RRN3: variants seen among roughly 807,000 people sequenced by gnomAD.
RRN3 encodes the protein RNA polymerase I-specific transcription initiation factor RRN3.
A neutral mutation model predicts 82.3 loss-of-function variants in RRN3; 38 were observed. The observed-to-expected ratio is 0.46, with a 90% CI of 0.36 to 0.61. The LOEUF (loss-of-function observed/expected upper bound fraction) is 0.61. Among genes scored for constraint, RRN3 ranks in the 20% least tolerant of loss-of-function variants. The pLI is 0.00. For missense variants in RRN3, 726 were observed against 793.1 expected (o/e 0.92, Z 1.02); for synonymous variants, 284 against 284.3 (o/e 1.00, Z 0.01).
chr16:15,086,585 A>G, intron 3 of RRN3, 131 bp from the exon 4 acceptor site: 1 of 1,351,612 alleles, frequency 7.4e-7, no homozygotes, highest in South Asian at 1.4e-5. Context: ...AAGGAACTCA[A>G]AACTGGGTAT....
At position 15,063,088 on chromosome 16, in the gene RRN3, C is replaced by G. The variant is rs1360293426; in HGVS notation, c.1794+108G>C. On this transcript the variant is annotated intron_variant, in intron 17 of 17. Coordinates refer to ENST00000198767, the MANE Select transcript of RRN3 (RefSeq NM_018427.5). ...CCAGCAATCCTCTGGCCTTGACCCC[C>G]TAAAGTGCGGGGATTACACGCACGA... 13 of 856,024 alleles carry G rather than the reference C, an allele frequency of 1.5e-5. No individual in the cohort carries two copies. In the Admixed American group the frequency reaches 2.3e-4, roughly 15 times the overall value. The allele number at this position is 856,024 out of a possible 1,614,324, so 53.0% of individuals were successfully genotyped here.
At chr16:15,093,960 G>A (rs1381323602) in intron 1 of RRN3, 185 bp downstream of exon 1, 1 of 624,696 alleles carries the variant, frequency 1.6e-6, no homozygotes, top group Non-Finnish European at 2.9e-6. Flanking sequence ...ACTTTTCCAG[G>A]CCCCACCCAT....
Position 15,067,998 on chromosome 16 carries a change from C to A in RRN3, c.1553+171G>T, listed in dbSNP as rs571552082. ...TGGTCTTTTAACTCCTGGCCTCAAG[C>A]AATCCTCCCACCTCAGCCTCCCAAA... On this transcript the variant is annotated intron_variant, in intron 15 of 17. Coordinates refer to ENST00000198767, the MANE Select transcript of RRN3 (RefSeq NM_018427.5). Among the ~76,000 whole-genome samples the A allele has an allele frequency of 3.0e-3, 459 of 151,920 alleles. 1 individual carries two copies. Among genetic ancestry groups the A allele is most frequent in the African/African-American group, 0.011 (442 of 41,390 alleles).
Position 15,076,319 on chromosome 16 carries a change from G to C in RRN3, c.858+239C>G. The C allele has an allele frequency of 8.4e-6, 5 of 596,270 alleles. No homozygotes were observed. The South Asian group carries it at 8.4e-5, about 10-fold the overall frequency. 36.9% of individuals were successfully genotyped at this position (596,270 alleles called of 1,614,324 possible). A position where few individuals can be genotyped will look rare whatever the true frequency, so the allele number is the denominator to read the frequency against. Reference sequence around the variant, plus strand: ...TGGCTTACAAAAACAAACACTGAAAGTTACAAGAACAAAAGTGAAACATAC... The same window carrying C: ...TGGCTTACAAAAACAAACACTGAAACTTACAAGAACAAAAGTGAAACATAC... On this transcript the variant is annotated intron_variant, in intron 10 of 17. Transcript: ENST00000198767.
At chr16:15,074,679 G>C in intron 11 of RRN3, 44 bp downstream of exon 11, 2 of 1,507,918 alleles carry the variant, frequency 1.3e-6, no homozygotes, top group Non-Finnish European at 1.8e-6. Context: ...CACAAAGCCA[G>C]GTACACTGCA....
At chr16:15,066,403 C>A in intron 15 of RRN3, among the ~76,000 whole-genome samples, 1 of 152,108 alleles carries the variant, frequency 6.6e-6, no homozygotes, top group Non-Finnish European at 1.5e-5. Flanking sequence ...GAGGTTGAGG[C>A]AGGCGGTTCA....
intron 9 of RRN3, among the ~76,000 whole-genome samples, chr16:15,076,863 T>C (rs1228879071): frequency 5.9e-5 from 9 of 152,154 alleles, no homozygotes; most frequent in Admixed American, 5.9e-4. Context: ...CCCCTTTTAC[T>C]ACATACTTAT....
At chr16:15,077,929 C>T (rs2045534929) in intron 9 of RRN3, among the ~76,000 whole-genome samples, 1 of 152,166 alleles carries the variant, frequency 6.6e-6, no homozygotes, top group African/African-American at 2.4e-5. Flanking sequence ...AATCTCTATG[C>T]ACAAGACACT....
chr16:15,091,656 G>A (rs186728591), intron 2 of RRN3, among the ~76,000 whole-genome samples: 1 of 152,114 alleles, frequency 6.6e-6, no homozygotes, highest in African/African-American at 2.4e-5. Flanking sequence ...AAAAGCATGA[G>A]GGAAAAAAAC....
At chr16:15,081,912 A>G (rs1193423312) in intron 8 of RRN3, among the ~76,000 whole-genome samples, 3 of 152,122 alleles carry the variant, frequency 2.0e-5, no homozygotes, top group Admixed American at 6.6e-5. Context: ...TGAAATGACT[A>G]TTCTCCCCTA....
chr16:15,076,733 T>C (rs2045472509), intron 9 of RRN3, 83 bp from the exon 10 acceptor site: 3 of 952,904 alleles, frequency 3.1e-6, no homozygotes, highest in Non-Finnish European at 5.0e-6. Flanking sequence ...TCATCTGATA[T>C]ACGCATGTTC....
intron 1 of RRN3, among the ~76,000 whole-genome samples, chr16:15,093,427 T>C (rs969924267): frequency 2.0e-5 from 3 of 152,210 alleles, no homozygotes; most frequent in African/African-American, 7.2e-5. Flanking sequence ...GAAATCATCG[T>C]GTTCGTTTAT....
chr16:15,063,711 A>AG (rs2044823463), intron 16 of RRN3, among the ~76,000 whole-genome samples: 1 of 150,846 alleles, frequency 6.6e-6, no homozygotes, highest in South Asian at 2.1e-4. Context: ...TCTCAAAAAA[A>AG]AAAAAAAAAA....
intron 3 of RRN3, among the ~76,000 whole-genome samples, chr16:15,088,066 A>G (rs2045979211): frequency 6.6e-6 from 1 of 152,056 alleles, no homozygotes; most frequent in South Asian, 2.1e-4. Context: ...CAGTGAGCCA[A>G]GATCATGCCA....
At chr16:15,087,002 G>A (rs949765192) in intron 3 of RRN3, among the ~76,000 whole-genome samples, 22 of 152,022 alleles carry the variant, frequency 1.4e-4, no homozygotes, top group Admixed American at 8.5e-4. Context: ...AATATTTTTC[G>A]GGCAATCAAA....
At chr16:15,072,736 C>A (rs1428750690) in intron 12 of RRN3, among the ~76,000 whole-genome samples, 1 of 151,928 alleles carries the variant, frequency 6.6e-6, no homozygotes, top group East Asian at 1.9e-4. Context: ...GTGGAGGTTG[C>A]AGCAGTGGGC....
intron 3 of RRN3, among the ~76,000 whole-genome samples, chr16:15,090,425 G>C (rs1165590197): frequency 1.3e-5 from 2 of 152,136 alleles, no homozygotes; most frequent in Non-Finnish European, 2.9e-5. Flanking sequence ...TTGAATCCTT[G>C]TTAAGTATTT....
intron 11 of RRN3, 84 bp from the exon 12 acceptor site, chr16:15,073,164 A>G (rs1330123852): frequency 6.9e-5 from 101 of 1,453,692 alleles, no homozygotes; most frequent in South Asian, 2.9e-4. Context: ...ACACAACACC[A>G]TTAAAAAACA....
At chr16:15,076,907 C>T (rs2045479884) in intron 9 of RRN3, among the ~76,000 whole-genome samples, 1 of 152,114 alleles carries the variant, frequency 6.6e-6, no homozygotes, top group African/African-American at 2.4e-5. Flanking sequence ...ATGCTCTATG[C>T]CAGGCAGCCT....
Sources: allele counts gnomAD v4.1 joint callset (sites outside exome capture counted in the v4.1 genomes callset), GRCh38; gene constraint gnomAD v4.1.1; transcripts MANE v1.5; gene names NCBI Gene and HGNC (gene_info 2026-07-23, HGNC 2026-07-21).